CDH8: variants seen among roughly 807,000 people sequenced by gnomAD.
CDH8 encodes the protein cadherin-8.
CDH8 carries 17 observed loss-of-function variants against 68.1 expected under a neutral mutation model. The ratio of observed to expected loss-of-function variants is 0.25; its 90% CI spans 0.17 to 0.37. CDH8 has a LOEUF of 0.37. CDH8 is among the 10% of genes least tolerant of loss of function. CDH8 has a pLI of 1.00. For synonymous variants in CDH8, 372 were observed against 365.1 expected (o/e 1.02, Z -0.21); for missense variants, 763 against 999.3 (o/e 0.76, Z 3.19).
chr16:61,975,731 ATCCTACACTTACAAAACTG>A (rs1489061509), intron 2 of CDH8, among the ~76,000 whole-genome samples: 2 of 152,178 alleles, frequency 1.3e-5, no homozygotes, highest in African/African-American at 4.8e-5. Context: ...GATAGATCTG[ATCCTACACTTACAAAACTG>A]TCCTTTTAAG....
chr16:61,852,669 T>C (rs1435973661), intron 4 of CDH8, among the ~76,000 whole-genome samples: 1 of 152,134 alleles, frequency 6.6e-6, no homozygotes, highest in Non-Finnish European at 1.5e-5. Context: ...GAGAAACAGA[T>C]AGAAGTATAG....
chr16:61,751,531 G>A (rs1960165180), intron 8 of CDH8, among the ~76,000 whole-genome samples: 1 of 151,664 alleles, frequency 6.6e-6, no homozygotes, highest in Non-Finnish European at 1.5e-5. Context: ...TTTTTTAGCT[G>A]TCTTGATGTG....
chr16:61,647,986 C>G lies in CDH8; in HGVS notation c.*5622G>C. 1.6e-6 allele frequency: 1 copy of G among 622,304 alleles called. No individual in the cohort carries two copies. The highest frequency in any genetic ancestry group is 2.9e-6 in the Non-Finnish European group (1 of 346,028). The allele number at this position is 622,304 out of a possible 1,614,324, so 38.5% of individuals were successfully genotyped here. ...ATGTGAATTAGATGGTGGCAGGTAACTCAAGTTGGGGAAATAGTACCCAAA... is the reference window on the plus strand; with the variant it reads ...ATGTGAATTAGATGGTGGCAGGTAAGTCAAGTTGGGGAAATAGTACCCAAA... On this transcript the variant is annotated 3_prime_UTR_variant, in exon 12 of 12. Coordinates refer to ENST00000577390, the MANE Select transcript of CDH8 (RefSeq NM_001796.5).
intron 3 of CDH8, among the ~76,000 whole-genome samples, chr16:61,881,065 C>A (rs998738681): frequency 6.6e-6 from 1 of 152,084 alleles, no homozygotes; most frequent in African/African-American, 2.4e-5. Flanking sequence ...CTTGCCCAGT[C>A]GAGTCCCAGA....
intron 8 of CDH8, among the ~76,000 whole-genome samples, chr16:61,731,244 T>A (rs117523262): frequency 0.023 from 3,536 of 151,742 alleles, 70 homozygotes; most frequent in Non-Finnish European, 0.035. Context: ...TCTGGTAGAT[T>A]CACTGGAGAG....
Position 61,817,575 on chromosome 16 carries a change from G to A in CDH8, c.1181C>T (p.Pro394Leu), listed in dbSNP as rs1204318205. The change falls in exon 7 of 12, where the codon CCG (proline) becomes CTG (leucine). Residue 394 changes from proline to leucine, a missense_variant. Transcript: ENST00000577390. ...TTCATGAACTTCAAGTAGGTAAGTC[G>A]GTGAAGAGAAGACCGGAGGCTCATC... ...DADEPPVFSS[P>L]TYLLEVHENA... The A allele has an allele frequency of 1.3e-5, 21 of 1,613,766 alleles. No homozygotes were observed. The highest frequency in any genetic ancestry group is 2.7e-5 in the African/African-American group (2 of 74,842).
chr16:61,689,655 G>A lies in CDH8; in HGVS notation c.1654+24186C>T, dbSNP rs1029815415. ...AAGGGTCAGGAAAAGTGAAACCATCGTTTTGTAAGCCAAGATGCAATACTT... is the reference window on the plus strand; with the variant it reads ...AAGGGTCAGGAAAAGTGAAACCATCATTTTGTAAGCCAAGATGCAATACTT... On this transcript the variant is annotated intron_variant, in intron 10 of 11. Coordinates refer to ENST00000577390, the MANE Select transcript of CDH8 (RefSeq NM_001796.5). Among the ~76,000 whole-genome samples the A allele has an allele frequency of 2.0e-4, 30 of 152,086 alleles. 1 individual carries two copies. Among genetic ancestry groups the A allele is most frequent in the South Asian group, 2.1e-4 (1 of 4,828 alleles).
At chr16:61,766,636 C>T (rs956484761) in intron 8 of CDH8, among the ~76,000 whole-genome samples, 2 of 141,782 alleles carry the variant, frequency 1.4e-5, no homozygotes, top group African/African-American at 5.6e-5. Flanking sequence ...TCATCACCTC[C>T]ACACTGTCTA....
intron 3 of CDH8, among the ~76,000 whole-genome samples, chr16:61,895,575 G>A (rs1963856661): frequency 6.6e-6 from 1 of 152,108 alleles, no homozygotes; most frequent in African/African-American, 2.4e-5. Context: ...CATGTTTTAT[G>A]TATCTGTGCA....
chr16:61,908,624 T>A (rs747336446), intron 2 of CDH8, among the ~76,000 whole-genome samples: 4 of 152,140 alleles, frequency 2.6e-5, no homozygotes, highest in Non-Finnish European at 4.4e-5. Flanking sequence ...AACACCCACT[T>A]GTGATTGATG....
At chr16:61,675,744 G>T (rs1205607541) in intron 10 of CDH8, among the ~76,000 whole-genome samples, 2 of 151,424 alleles carry the variant, frequency 1.3e-5, no homozygotes, top group Admixed American at 1.3e-4. Context: ...TATGAGATGA[G>T]AGCATAAAGA....
chr16:61,710,157 C>G (rs889562411), intron 10 of CDH8, among the ~76,000 whole-genome samples: 3 of 152,066 alleles, frequency 2.0e-5, no homozygotes, highest in Non-Finnish European at 2.9e-5. Flanking sequence ...AGTCCTAGTT[C>G]ACACATATCC....
chr16:61,862,421 T>C (rs567850115), intron 3 of CDH8, among the ~76,000 whole-genome samples: 18 of 152,330 alleles, frequency 1.2e-4, no homozygotes, highest in African/African-American at 4.3e-4. Flanking sequence ...GATGAACTAC[T>C]GGGCTGGGGA....
intron 4 of CDH8, among the ~76,000 whole-genome samples, chr16:61,851,071 T>C (rs1257302341): frequency 6.6e-6 from 1 of 152,078 alleles, no homozygotes; most frequent in East Asian, 1.9e-4. Context: ...CTTTAGCCAG[T>C]CCTCTTGGCA....
chr16:61,962,768 C>G (rs1286216437), intron 2 of CDH8, among the ~76,000 whole-genome samples: 3 of 152,176 alleles, frequency 2.0e-5, no homozygotes, highest in African/African-American at 7.2e-5. Flanking sequence ...CCTCCCAACT[C>G]TGCCTGAAGC....
At position 62,023,932 on chromosome 16, in the gene CDH8, C is replaced by T. The variant is rs571278052; in HGVS notation, c.-199-2330G>A. ...GTTTGTTTATTTGTTTACTCAGGCT[C>T]ATATTTATGGGCTCAAGTGATCCTC... On this transcript the variant is annotated intron_variant, in intron 1 of 11. Coordinates refer to ENST00000577390, the MANE Select transcript of CDH8 (RefSeq NM_001796.5). Among the ~76,000 whole-genome samples the T allele has an allele frequency of 2.0e-5, 3 of 152,282 alleles. 1 individual carries two copies. In the East Asian group the frequency reaches 5.8e-4, roughly 29 times the overall value.
chr16:61,941,034 A>C (rs1964716017), intron 2 of CDH8, among the ~76,000 whole-genome samples: 2 of 152,242 alleles, frequency 1.3e-5, no homozygotes, highest in Admixed American at 1.3e-4. Context: ...TTTTGAATGC[A>C]CATAGAACTC....
intron 1 of CDH8, among the ~76,000 whole-genome samples, chr16:62,030,556 G>T (rs1902300725): frequency 6.6e-6 from 1 of 152,026 alleles, no homozygotes; most frequent in African/African-American, 2.4e-5. Flanking sequence ...TAATTTCCTT[G>T]TGATATTTAT....
intron 7 of CDH8, among the ~76,000 whole-genome samples, chr16:61,815,998 GC>G (rs1434216834): frequency 4.6e-5 from 7 of 151,694 alleles, no homozygotes; most frequent in Non-Finnish European, 1.0e-4. Flanking sequence ...TTCAACATTG[GC>G]CCATTAATAG....
Sources: gnomAD v4.1 joint callset for allele counts (sites outside exome capture counted in the v4.1 genomes callset) on GRCh38, gnomAD v4.1.1 for gene constraint, MANE v1.5 for transcripts, NCBI Gene and HGNC (gene_info 2026-07-23, HGNC 2026-07-21) for gene names.